The following TGFBR3 variants were observed in gnomAD, a reference collection of about 807,000 sequenced individuals.
The protein encoded by TGFBR3 is transforming growth factor beta receptor 3.
Under a neutral mutation model 87.9 loss-of-function variants are expected in TGFBR3, and 46 were observed. The ratio of observed to expected loss-of-function variants is 0.52; its 90% CI spans 0.41 to 0.67. The LOEUF is 0.67. Ranked by LOEUF, TGFBR3 falls within the 30% of genes least tolerant of loss-of-function variation. The pLI, the probability that TGFBR3 is intolerant of heterozygous loss-of-function variation, is 0.00. For synonymous variants in TGFBR3, 381 were observed against 391.6 expected, an observed-to-expected ratio of 0.97 and a Z score of 0.32; for missense variants, 866 against 1,041.9, an observed-to-expected ratio of 0.83 and a Z score of 2.32.
At chr1:91,740,707 C>T (rs1269048838) in intron 4 of TGFBR3, among the ~76,000 whole-genome samples, 1 of 152,128 alleles carries the variant, frequency 6.6e-6, no homozygotes, top group African/African-American at 2.4e-5. Context: ...GGGACATAGA[C>T]CCAAATCATA....
At chr1:91,904,240 C>G (rs1358605981) in intron 1 of TGFBR3, among the ~76,000 whole-genome samples, 1 of 150,686 alleles carries the variant, frequency 6.6e-6, no homozygotes, top group Non-Finnish European at 1.5e-5. Flanking sequence ...TTATAGAGAG[C>G]ACAGTGGTTA....
At chr1:91,754,114 G>A (rs770775237) in intron 4 of TGFBR3, among the ~76,000 whole-genome samples, 7 of 152,114 alleles carry the variant, frequency 4.6e-5, no homozygotes, top group Non-Finnish European at 1.0e-4. Flanking sequence ...ATGATATTGA[G>A]CATCTTTTCA....
chr1:91,690,800 A>C (rs1210312359), intron 16 of TGFBR3, among the ~76,000 whole-genome samples: 1 of 152,198 alleles, frequency 6.6e-6, no homozygotes, highest in African/African-American at 2.4e-5. Context: ...TAAAGAGGAA[A>C]GATCCAATGA....
intron 2 of TGFBR3, among the ~76,000 whole-genome samples, chr1:91,844,166 A>G (rs1677392288): frequency 6.6e-6 from 1 of 152,232 alleles, no homozygotes; most frequent in African/African-American, 2.4e-5. Flanking sequence ...CATATCTCAC[A>G]GTACACACTG....
At chr1:91,753,293 G>A (rs542625282) in intron 4 of TGFBR3, among the ~76,000 whole-genome samples, 54 of 150,808 alleles carry the variant, frequency 3.6e-4, no homozygotes, top group Non-Finnish European at 6.9e-4. Flanking sequence ...GGGAGGCTGA[G>A]GCAGGAGGAT....
chr1:91,823,862 G>A (rs540434790), intron 2 of TGFBR3, among the ~76,000 whole-genome samples: 2 of 152,330 alleles, frequency 1.3e-5, no homozygotes, highest in East Asian at 3.9e-4. Context: ...GGGTGCAGTG[G>A]CTCACGCCTG....
At chr1:91,879,732 T>C (rs1044587376) in intron 1 of TGFBR3, among the ~76,000 whole-genome samples, 1 of 152,204 alleles carries the variant, frequency 6.6e-6, no homozygotes, top group African/African-American at 2.4e-5. Context: ...TGCTGATTCT[T>C]AAGCAAGGAC....
At chr1:91,883,917 G>A (rs1360226716) in intron 1 of TGFBR3, among the ~76,000 whole-genome samples, 4 of 152,176 alleles carry the variant, frequency 2.6e-5, no homozygotes, top group Admixed American at 6.5e-5. Flanking sequence ...AGCCCTTAAG[G>A]GGGTAAGAAT....
rs1220118608 is a variant in TGFBR3 at position 91,682,277 on chromosome 1, T to G, written c.*1462A>C. The G allele has an allele frequency of 2.2e-6, 1 of 454,018 alleles. No individual in the cohort carries two copies. 28.1% of individuals were successfully genotyped at this position (454,018 alleles called of 1,614,324 possible). On this transcript the variant is annotated 3_prime_UTR_variant, in exon 17 of 17. Coordinates refer to ENST00000212355, the MANE Select transcript of TGFBR3 (RefSeq NM_003243.5). Reference sequence around the variant, plus strand: ...GATTTGCTTATGAATATTTTGGGGGTAGAATCTATCTTGTTCTACTTATGG... The same window carrying G: ...GATTTGCTTATGAATATTTTGGGGGGAGAATCTATCTTGTTCTACTTATGG...
At chr1:91,807,774 G>GAA (rs1675888599) in intron 2 of TGFBR3, among the ~76,000 whole-genome samples, 1 of 152,134 alleles carries the variant, frequency 6.6e-6, no homozygotes, top group Admixed American at 6.5e-5. Context: ...AGTCACCACT[G>GAA]GACATAGCAA....
At position 91,695,744 on chromosome 1, in the gene TGFBR3, C is replaced by T; in HGVS notation, c.2365G>A (p.Gly789Ser). The change falls in exon 16 of 17, where the codon GGC (glycine) becomes AGC (serine). Residue 789 changes from glycine to serine, a missense_variant. By Grantham distance (56) the Gly-to-Ser change is moderately conservative. Coordinates refer to ENST00000212355, the MANE Select transcript of TGFBR3 (RefSeq NM_003243.5). ...ATCACAAAGGCTGCAAACGCAATGC[C>T]CATCACGGTTAGGGTGTCCAGACCA... ...FHGLDTLTVM[G>S]IAFAAFVIGA... 1 of 1,614,114 alleles carries T rather than the reference C, an allele frequency of 6.2e-7. No individual in the cohort carries two copies.
chr1:91,841,021 G>A (rs935331984), intron 2 of TGFBR3, among the ~76,000 whole-genome samples: 16 of 152,298 alleles, frequency 1.1e-4, no homozygotes, highest in African/African-American at 3.1e-4. Flanking sequence ...ATGTTGGCCA[G>A]GCTGGTCTTG....
rs151220489 is a variant in TGFBR3, at chr1:91,874,378, G to A, written c.-114+11500C>T. On this transcript the variant is annotated intron_variant, in intron 1 of 16. Transcript: ENST00000212355. ...TGCGGCAGCTGGAGCAGATTGAGCAGCCTAGAGAGCACAAGAGGGAAGTCA... is the reference window on the plus strand; with the variant it reads ...TGCGGCAGCTGGAGCAGATTGAGCAACCTAGAGAGCACAAGAGGGAAGTCA... Among the ~76,000 whole-genome samples the A allele has an allele frequency of 4.1e-3, 621 of 152,314 alleles. 5 individuals carry two copies. Among genetic ancestry groups the A allele is most frequent in the African/African-American group, 0.014 (582 of 41,560 alleles).
intron 2 of TGFBR3, among the ~76,000 whole-genome samples, chr1:91,837,555 A>T (rs780516702): frequency 2.0e-5 from 3 of 152,162 alleles, no homozygotes; most frequent in Non-Finnish European, 4.4e-5. Context: ...GTAAGGATAT[A>T]ATGGATATGC....
intron 3 of TGFBR3, among the ~76,000 whole-genome samples, chr1:91,762,930 ACCTC>A (rs1344257181): frequency 1.6e-5 from 2 of 123,120 alleles, no homozygotes; most frequent in African/African-American, 3.0e-5. Context: ...TGGAAACACT[ACCTC>A]CCTATCTCTC....
intron 6 of TGFBR3, 97 bp downstream of exon 6, chr1:91,729,708 G>A (rs1357910232): frequency 5.7e-6 from 8 of 1,407,864 alleles, no homozygotes; most frequent in South Asian, 1.2e-5. Context: ...TCCTGCGTAG[G>A]GGAGGGTGTA....
intron 2 of TGFBR3, among the ~76,000 whole-genome samples, chr1:91,841,588 T>A (rs915212971): frequency 2.0e-5 from 3 of 149,560 alleles, no homozygotes; most frequent in East Asian, 2.0e-4. Flanking sequence ...AGGTCAGGAG[T>A]TCAAGACCAG....
chr1:91,743,926 C>G (rs1052629518), intron 4 of TGFBR3, among the ~76,000 whole-genome samples: 2 of 152,172 alleles, frequency 1.3e-5, no homozygotes, highest in African/African-American at 4.8e-5. Flanking sequence ...TGAAATGTTG[C>G]TGGTTAAATT....
At chr1:91,825,575 A>G (rs2799530) in intron 2 of TGFBR3, among the ~76,000 whole-genome samples, 151,386 of 152,362 alleles carry the variant, frequency 0.99, 75,212 homozygotes, top group Middle Eastern at 1. Flanking sequence ...GCAGCTGCAC[A>G]ACTCTGATAA....
Sources: gnomAD v4.1 joint callset for allele counts (sites outside exome capture counted in the v4.1 genomes callset) on GRCh38, gnomAD v4.1.1 for gene constraint, MANE v1.5 for transcripts, NCBI Gene and HGNC (gene_info 2026-07-23, HGNC 2026-07-21) for gene names.